FRYL: variants seen among roughly 807,000 people sequenced by gnomAD.
FRYL encodes protein furry homolog-like.
A neutral mutation model predicts 351.2 loss-of-function variants in FRYL; 150 were observed. That is an observed-to-expected ratio of 0.43 (90% CI 0.37 to 0.49). The LOEUF (loss-of-function observed/expected upper bound fraction) is 0.49. Among genes scored for constraint, FRYL ranks in the 20% least tolerant of loss-of-function variants. The pLI is 0.00. For synonymous variants in FRYL, 1,153 were observed against 1,257.1 expected, an observed-to-expected ratio of 0.92 and a Z score of 1.75; for missense variants, 3,036 against 3,619.3, an observed-to-expected ratio of 0.84 and a Z score of 4.13.
intron 1 of FRYL, among the ~76,000 whole-genome samples, chr4:48,741,539 GA>G (rs549733490): frequency 1.3e-5 from 2 of 151,280 alleles, no homozygotes. Context: ...GATTCTGTCT[GA>G]AAAAAAAGAA....
intron 2 of FRYL, among the ~76,000 whole-genome samples, chr4:48,709,214 C>T (rs1277459523): frequency 1.3e-5 from 2 of 152,162 alleles, no homozygotes; most frequent in Admixed American, 1.3e-4. Flanking sequence ...GCCACCGCAC[C>T]CAGCCCTAGG....
intron 1 of FRYL, among the ~76,000 whole-genome samples, chr4:48,718,240 C>T (rs552579725): frequency 4.6e-5 from 7 of 151,528 alleles, no homozygotes; most frequent in African/African-American, 1.7e-4. Context: ...AAAATGAGTG[C>T]AAAAACAAAA....
chr4:48,535,797 C>T lies in FRYL; in HGVS notation c.6424G>A (p.Val2142Ile). 6.4e-7 allele frequency: 1 copy of T among 1,560,368 alleles called. No homozygotes were observed. Among genetic ancestry groups the T allele is most frequent in the Non-Finnish European group, 8.7e-7 (1 of 1,149,662 alleles). ...AAACTCATCATGTGTGCCAGATTGA[C>T]AAGTGTTGGGCATTTTTCTTCTGCA... is the stretch of plus-strand genomic sequence containing the variant. ...VCAEEKCPTL[V>I]NLAHMMSLYS... Residue 2142 changes from valine to isoleucine, a missense_variant, in exon 48 of 64, where the codon GTC becomes ATC. Val to Ile is a conservative substitution (Grantham distance 29). Coordinates refer to ENST00000358350, the MANE Select transcript of FRYL (RefSeq NM_015030.2).
intron 7 of FRYL, among the ~76,000 whole-genome samples, chr4:48,611,461 C>T (rs1748183847): frequency 6.6e-6 from 1 of 151,940 alleles, no homozygotes; most frequent in African/African-American, 2.4e-5. Flanking sequence ...CTGTGTGGGT[C>T]TATTTTTGAG....
intron 9 of FRYL, 50 bp from the exon 10 acceptor site, chr4:48,606,656 T>A: frequency 6.9e-7 from 1 of 1,453,102 alleles, no homozygotes; most frequent in East Asian, 2.3e-5. Context: ...AACACTAATT[T>A]CCACATGATA....
intron 35 of FRYL, among the ~76,000 whole-genome samples, chr4:48,553,937 T>C (rs1451175178): frequency 6.6e-6 from 1 of 152,222 alleles, no homozygotes; most frequent in Non-Finnish European, 1.5e-5. Flanking sequence ...CTCTCAGTTT[T>C]CTCATCTGCA....
chr4:48,658,758 AAAT>A, intron 3 of FRYL, among the ~76,000 whole-genome samples: 1 of 151,624 alleles, frequency 6.6e-6, no homozygotes, highest in African/African-American at 2.4e-5. Context: ...ATAAATAAAT[AAAT>A]AAATAAATAA....
chr4:48,581,106 C>T (rs62309671), intron 21 of FRYL, among the ~76,000 whole-genome samples, 155 bp from the exon 22 acceptor site: 19,562 of 149,986 alleles, frequency 0.13, 1,693 homozygotes, highest in Admixed American at 0.28. Flanking sequence ...AGTGCAGCAG[C>T]GCCATCTCGG....
intron 33 of FRYL, among the ~76,000 whole-genome samples, chr4:48,560,728 G>A (rs1735310169): frequency 6.6e-6 from 1 of 152,118 alleles, no homozygotes; most frequent in Non-Finnish European, 1.5e-5. Context: ...AAACCAAACA[G>A]GTCAACTGCT....
intron 25 of FRYL, 145 bp downstream of exon 25, chr4:48,574,972 T>C (rs1459609122): frequency 3.6e-6 from 2 of 563,368 alleles, no homozygotes; most frequent in African/African-American, 1.9e-5. Context: ...AAATGTTACA[T>C]GGCTAGTTAA....
At chr4:48,721,607 C>G (rs1279530737) in intron 1 of FRYL, among the ~76,000 whole-genome samples, 1 of 152,122 alleles carries the variant, frequency 6.6e-6, no homozygotes, top group Non-Finnish European at 1.5e-5. Context: ...AAAACTTGAA[C>G]ATCTTATCAT....
chr4:48,603,147 G>A (rs753658949), intron 12 of FRYL, 143 bp downstream of exon 12: 10 of 650,616 alleles, frequency 1.5e-5, no homozygotes, highest in African/African-American at 5.6e-5. Context: ...CAAAACATAC[G>A]TATGTAAAAC....
intron 29 of FRYL, among the ~76,000 whole-genome samples, chr4:48,565,272 A>C (rs1736516774): frequency 2.0e-5 from 1 of 50,572 alleles, no homozygotes; most frequent in South Asian, 1.1e-3. Flanking sequence ...AAGAAAAAGT[A>C]ATTAAGTAAG....
At chr4:48,512,392 T>C (rs1722666211) in intron 57 of FRYL, 89 bp downstream of exon 57, 4 of 1,074,574 alleles carry the variant, frequency 3.7e-6, no homozygotes, top group East Asian at 4.9e-5. Flanking sequence ...GGTAGGAATA[T>C]TAAAATCGGA....
At chr4:48,690,229 A>G (rs1275619811) in intron 2 of FRYL, among the ~76,000 whole-genome samples, 1 of 152,112 alleles carries the variant, frequency 6.6e-6, no homozygotes, top group East Asian at 1.9e-4. Context: ...CAATTTTACT[A>G]TTCGTAGTAA....
intron 3 of FRYL, among the ~76,000 whole-genome samples, chr4:48,661,785 G>C (rs1423494797): frequency 2.0e-5 from 3 of 152,152 alleles, no homozygotes; most frequent in Non-Finnish European, 4.4e-5. Context: ...AGAAATGACA[G>C]AGATGACAGA....
intron 21 of FRYL, 110 bp downstream of exon 21, chr4:48,581,310 A>G: frequency 1.2e-6 from 1 of 851,194 alleles, no homozygotes; most frequent in Non-Finnish European, 1.8e-6. Context: ...TGAGAACGGT[A>G]GGTTAGTTTA....
intron 1 of FRYL, among the ~76,000 whole-genome samples, chr4:48,722,979 G>A (rs1181667092): frequency 2.0e-5 from 3 of 151,976 alleles, no homozygotes; most frequent in Admixed American, 6.6e-5. Context: ...TCAGTTTCAC[G>A]GTGACAAAAA....
chr4:48,703,641 T>C (rs1767001213), intron 2 of FRYL, among the ~76,000 whole-genome samples: 1 of 152,210 alleles, frequency 6.6e-6, no homozygotes, highest in Non-Finnish European at 1.5e-5. Flanking sequence ...AATCTTAGCT[T>C]AAGTGTCATT....
Sources: allele counts gnomAD v4.1 joint callset (sites outside exome capture counted in the v4.1 genomes callset), GRCh38; gene constraint gnomAD v4.1.1; transcripts MANE v1.5; gene names NCBI Gene and HGNC (gene_info 2026-07-23, HGNC 2026-07-21).